SLC7A1: variants seen among roughly 807,000 people sequenced by gnomAD.
The protein encoded by SLC7A1 is high affinity cationic amino acid transporter 1.
SLC7A1 carries 10 observed loss-of-function variants against 53.9 expected under a neutral mutation model. The ratio of observed to expected loss-of-function variants is 0.19; its 90% confidence interval spans 0.11 to 0.31. SLC7A1 has a LOEUF of 0.31. SLC7A1 is among the 10% of genes least tolerant of loss of function. The probability of loss-of-function intolerance (pLI) is 1.00; values close to 1 mark genes in which losing one functional copy is unlikely to be tolerated. For synonymous variants in SLC7A1, 342 were observed against 338.7 expected (o/e 1.01, Z -0.11); for missense variants, 525 against 827.2 (o/e 0.63, Z 4.48).
At chr13:29,594,253 TA>T (rs368451566) in intron 1 of SLC7A1, among the ~76,000 whole-genome samples, 4 of 152,376 alleles carry the variant, frequency 2.6e-5, no homozygotes, top group African/African-American at 9.6e-5. Context: ...TAGTCGAATG[TA>T]AGTAAGATAA....
chr13:29,524,119 C>G lies in SLC7A1; in HGVS notation c.826+13G>C. On this transcript the variant is annotated intron_variant, in intron 6 of 12. Transcript: ENST00000380752. ...GCAGGAGGACCCGGGACCGCAGTGG[C>G]TGGCGGACATACCTGTGGTGGCGAT... The G allele has an allele frequency of 6.2e-7, 1 of 1,611,236 alleles. No homozygotes were observed. The highest frequency in any genetic ancestry group is 8.5e-7 in the Non-Finnish European group (1 of 1,179,262).
intron 9 of SLC7A1, among the ~76,000 whole-genome samples, 155 bp downstream of exon 9, chr13:29,519,292 C>T (rs1173427448): frequency 6.6e-6 from 1 of 152,176 alleles, no homozygotes; most frequent in Admixed American, 6.5e-5. Context: ...CCTAACTGGG[C>T]TCTCAACCCA....
At chr13:29,545,158 T>C (rs753450730) in intron 2 of SLC7A1, among the ~76,000 whole-genome samples, 1 of 152,176 alleles carries the variant, frequency 6.6e-6, no homozygotes, top group African/African-American at 2.4e-5. Context: ...CTGAATGGTT[T>C]CATTCACCAA....
At position 29,509,916 on chromosome 13, in the gene SLC7A1, G is replaced by C. The variant is rs1285519596; in HGVS notation, c.*4564C>G. On this transcript the variant is annotated 3_prime_UTR_variant, in exon 13 of 13. Coordinates refer to ENST00000380752, the MANE Select transcript of SLC7A1 (RefSeq NM_003045.5). Reference sequence around the variant, plus strand: ...AAGCTGAAAGGCACAACTTAAGCAGGAAACTTATCATCTTAAATATATATT... The same window carrying C: ...AAGCTGAAAGGCACAACTTAAGCAGCAAACTTATCATCTTAAATATATATT... The C allele has an allele frequency of 6.6e-6, 1 of 152,566 alleles. No individual in the cohort carries two copies. The highest frequency in any genetic ancestry group is 2.4e-5 in the African/African-American group (1 of 41,404). The allele number at this position is 152,566 out of a possible 1,614,324, so 9.5% of individuals were successfully genotyped here. A position where few individuals can be genotyped will look rare whatever the true frequency, so the allele number is the denominator to read the frequency against.
At chr13:29,527,749 C>A (rs1868963015) in intron 5 of SLC7A1, among the ~76,000 whole-genome samples, 1 of 152,256 alleles carries the variant, frequency 6.6e-6, no homozygotes, top group Admixed American at 6.5e-5. Context: ...GCCCGAGGGT[C>A]TCCCACTGCA....
chr13:29,592,118 C>T (rs1404617502), intron 1 of SLC7A1, among the ~76,000 whole-genome samples: 1 of 152,184 alleles, frequency 6.6e-6, no homozygotes, highest in African/African-American at 2.4e-5. Context: ...TCCCAACTCC[C>T]CTCAAAGAAG....
At chr13:29,561,037 C>G (rs1870732222) in intron 1 of SLC7A1, among the ~76,000 whole-genome samples, 1 of 152,192 alleles carries the variant, frequency 6.6e-6, no homozygotes, top group African/African-American at 2.4e-5. Context: ...TTATCCTATT[C>G]TTCACTCAAC....
chr13:29,531,146 A>G (rs1222887446), intron 4 of SLC7A1, among the ~76,000 whole-genome samples: 1 of 152,244 alleles, frequency 6.6e-6, no homozygotes, highest in Non-Finnish European at 1.5e-5. Flanking sequence ...TCCTGGGAGA[A>G]TGGACATTTT....
rs1169852320 is a variant in SLC7A1 at position 29,510,103 on chromosome 13, C to CT, written c.*4376dup. 1.3e-5 allele frequency: 2 copies of CT among 152,632 alleles called. No individual in the cohort carries two copies. Among genetic ancestry groups the CT allele is most frequent in the Non-Finnish European group, 2.9e-5 (2 of 68,048 alleles). The allele number at this position is 152,632 out of a possible 1,614,324, so 9.5% of individuals were successfully genotyped here. ...AATAAATACCCTGAGAAAATCTTCT[C>CT]TTTAAGCTTGGCCAAGGTACTCCAT... is the stretch of plus-strand genomic sequence containing the variant. On this transcript the variant is annotated 3_prime_UTR_variant, in exon 13 of 13. Transcript: ENST00000380752.
rs2139068732 is a variant in SLC7A1 at position 29,517,271 on chromosome 13, C to G, written c.1550G>C (p.Gly517Ala). Residue 517 changes from glycine (G) to alanine (A), a missense_variant, in exon 11 of 13, where the codon GGA (glycine) becomes GCA (alanine). Gly to Ala is a moderately conservative substitution (Grantham distance 60, BLOSUM62 0). Coordinates refer to ENST00000380752, the MANE Select transcript of SLC7A1 (RefSeq NM_003045.5). ...CGCCCCTTTGGTGAGAGCCTCCCTTCCAAGCACGGTCACAATGCAGAAGGT... is the reference window on the plus strand; with the variant it reads ...CGCCCCTTTGGTGAGAGCCTCCCTTGCAAGCACGGTCACAATGCAGAAGGT... ...IITFCIVTVLGREALTKGALW... is the reference protein window; with the variant it reads ...IITFCIVTVLAREALTKGALW... 6.2e-7 allele frequency: 1 copy of G among 1,613,428 alleles called. No individual in the cohort carries two copies. The highest frequency in any genetic ancestry group is 2.2e-5 in the East Asian group (1 of 44,880).
At chr13:29,557,574 C>A (rs1870492449) in intron 1 of SLC7A1, among the ~76,000 whole-genome samples, 1 of 150,714 alleles carries the variant, frequency 6.6e-6, no homozygotes, top group African/African-American at 2.4e-5. Flanking sequence ...GAATAAGATA[C>A]AAAAGATAAA....
intron 12 of SLC7A1, 88 bp from the exon 13 acceptor site, chr13:29,514,671 A>G (rs1409471509): frequency 1.0e-6 from 1 of 998,976 alleles, no homozygotes; most frequent in African/African-American, 1.6e-5. Context: ...GTCCCACAGC[A>G]AACCCTCTCA....
chr13:29,538,879 G>A lies in SLC7A1; in HGVS notation c.-14-2677C>T, dbSNP rs117656533. 9.6e-3 allele frequency among the ~76,000 whole-genome samples: 1,461 copies of A among 152,128 alleles called. 10 individuals are homozygous for A. Among genetic ancestry groups the A allele is most frequent in the Middle Eastern group, 0.02 (6 of 294 alleles). On this transcript the variant is annotated intron_variant, in intron 2 of 12. Transcript: ENST00000380752. ...TCGTTTAAGTAGACGGAGCCTTGAA[G>A]AGAAACAGGGTGTGAAAGCTCTTGT... is the stretch of plus-strand genomic sequence containing the variant.
At chr13:29,514,628 C>T in intron 12 of SLC7A1, 45 bp from the exon 13 acceptor site, 2 of 1,444,960 alleles carry the variant, frequency 1.4e-6, no homozygotes, top group Non-Finnish European at 9.5e-7. Flanking sequence ...CCGCCGGTTG[C>T]ACCACCGCAG....
rs753814732 is a variant in SLC7A1 at position 29,523,352 on chromosome 13, G to A, written c.963C>T (p.Ser321=). Residue 321 remains serine (S), a synonymous_variant, in exon 7 of 13, where the codon AGC becomes AGT. Transcript: ENST00000380752. ...MMPYFCLDNN[S]PLPDAFKHVG... ...CGTGCTTAAAGGCGTCGGGCAGGGG[G>A]CTGTTATTGTCCAGGCAGAAGTAGG... 2 of 1,613,772 alleles carry A rather than the reference G, an allele frequency of 1.2e-6. No individual in the cohort carries two copies. Among genetic ancestry groups the A allele is most frequent in the Non-Finnish European group, 1.7e-6 (2 of 1,180,012 alleles).
rs751896544 is a variant in SLC7A1, at chr13:29,530,582, C to T, written c.660G>A (p.Thr220=). The T allele has an allele frequency of 1.1e-5, 18 of 1,614,026 alleles. No individual in the cohort carries two copies. The East Asian group carries it at 1.8e-4, about 16-fold the overall frequency. The change falls in exon 5 of 13, where the codon ACG becomes ACA. Residue 220 remains threonine (T), a synonymous_variant. Coordinates refer to ENST00000380752, the MANE Select transcript of SLC7A1 (RefSeq NM_003045.5). ...CTGATGTGTTCCCAAAATCCTCCTC[C>T]GTGAGCTGCCAGTTTTTAACCGATC... ...VKGSVKNWQL[T]EEDFGNTSGR...
chr13:29,540,638 T>C (rs776319850), intron 2 of SLC7A1, among the ~76,000 whole-genome samples: 1 of 152,232 alleles, frequency 6.6e-6, no homozygotes, highest in Admixed American at 6.5e-5. Flanking sequence ...CAAGCTGTTA[T>C]ACGACACTCG....
chr13:29,573,380 C>T (rs1004110390), intron 1 of SLC7A1, among the ~76,000 whole-genome samples: 2 of 152,128 alleles, frequency 1.3e-5, no homozygotes, highest in Admixed American at 6.5e-5. Context: ...GAAAAGAAGG[C>T]AGCTGTTACC....
In SLC7A1 at chr13:29,516,004, G is replaced by A. The variant is rs1319546071; in HGVS notation, c.1786+134C>T. ...TCTAACAGGGAGGAGAGGACTCACAGCCTACCAGGGATTCAGCATTATCTT... is the reference window on the plus strand; with the variant it reads ...TCTAACAGGGAGGAGAGGACTCACAACCTACCAGGGATTCAGCATTATCTT... On this transcript the variant is annotated intron_variant, in intron 12 of 12. Transcript: ENST00000380752. 7 of 593,958 alleles carry A rather than the reference G, an allele frequency of 1.2e-5. No individual in the cohort carries two copies. In the East Asian group the frequency reaches 2.0e-4, roughly 17 times the overall value. 36.8% of individuals were successfully genotyped at this position (593,958 alleles called of 1,614,324 possible).
Sources: allele counts gnomAD v4.1 joint callset (sites outside exome capture counted in the v4.1 genomes callset), GRCh38; gene constraint gnomAD v4.1.1; transcripts MANE v1.5; gene names NCBI Gene and HGNC (gene_info 2026-07-23, HGNC 2026-07-21).